The following NTRK2 variants were observed in gnomAD, a reference collection of about 807,000 sequenced individuals.
NTRK2 encodes neurotrophic receptor tyrosine kinase 2.
A neutral mutation model predicts 94.5 loss-of-function variants in NTRK2; 13 were observed. That is an observed-to-expected ratio of 0.14 (90% CI 0.09 to 0.22). The LOEUF (loss-of-function observed/expected upper bound fraction) is 0.22. Ranked by LOEUF, NTRK2 falls within the 10% of genes least tolerant of loss-of-function variation. The probability of loss-of-function intolerance (pLI) is 1.00; values close to 1 mark genes in which losing one functional copy is unlikely to be tolerated. For synonymous variants in NTRK2, 372 were observed against 407.4 expected, an observed-to-expected ratio of 0.91 and a Z score of 1.05; for missense variants, 639 against 1,071.2, an observed-to-expected ratio of 0.60 and a Z score of 5.63.
At chr9:84,983,835 A>G (rs575049023) in intron 17 of NTRK2, among the ~76,000 whole-genome samples, 3 of 152,230 alleles carry the variant, frequency 2.0e-5, no homozygotes, top group Non-Finnish European at 4.4e-5. Flanking sequence ...AGTCTTACTT[A>G]AGTAGAAACT....
chr9:84,833,147 G>A (rs2073669710), intron 12 of NTRK2, among the ~76,000 whole-genome samples: 1 of 152,004 alleles, frequency 6.6e-6, no homozygotes, highest in Non-Finnish European at 1.5e-5. Context: ...GAGACTGCAT[G>A]TTCAAAAAGC....
chr9:84,774,817 G>A (rs192598787), intron 12 of NTRK2, among the ~76,000 whole-genome samples: 19 of 152,186 alleles, frequency 1.2e-4, no homozygotes, highest in East Asian at 7.7e-4. Context: ...AGAAACTAGC[G>A]CATGGAATAA....
chr9:84,881,965 T>C (rs576779804), intron 14 of NTRK2, among the ~76,000 whole-genome samples: 1 of 152,186 alleles, frequency 6.6e-6, no homozygotes, highest in Non-Finnish European at 1.5e-5. Context: ...CTCATTGAAT[T>C]TACACAATAG....
At chr9:84,804,820 C>A (rs1419602979) in intron 12 of NTRK2, among the ~76,000 whole-genome samples, 3 of 152,054 alleles carry the variant, frequency 2.0e-5, no homozygotes, top group African/African-American at 7.2e-5. Flanking sequence ...AGATATCGAC[C>A]CTATAGATTT....
In NTRK2 at chr9:84,956,442, T is replaced by C. The variant is rs139079791; in HGVS notation, c.2172+925T>C. ...AGAGAAAAGGGAATTTCTGGAAATG[T>C]TGAAGTTGTGATATTTAGAGTGAAG... On this transcript the variant is annotated intron_variant, in intron 17 of 18. Coordinates refer to ENST00000277120, the MANE Select transcript of NTRK2 (RefSeq NM_006180.6). Among the ~76,000 whole-genome samples, 9 of 152,296 alleles carry C rather than the reference T, an allele frequency of 5.9e-5. No homozygotes were observed. In the East Asian group the frequency reaches 1.5e-3, roughly 26 times the overall value.
intron 14 of NTRK2, chr9:84,875,566 G>A (rs201948894): frequency 2.5e-5 from 27 of 1,062,614 alleles, no homozygotes; most frequent in Non-Finnish European, 2.5e-5. Flanking sequence ...TCAAAGAGCC[G>A]AGTATGCTGG....
In NTRK2 at chr9:85,023,349, C is replaced by A. The variant is rs199656871; in HGVS notation, c.*1912C>A. On this transcript the variant is annotated 3_prime_UTR_variant, in exon 19 of 19. Coordinates refer to ENST00000277120, the MANE Select transcript of NTRK2 (RefSeq NM_006180.6). Reference sequence around the variant, plus strand: ...TATTTCATATTTGTTTCTGAAGGTGCGATAGCTCTGTTTTAGGTTTTGCTT... The same window carrying A: ...TATTTCATATTTGTTTCTGAAGGTGAGATAGCTCTGTTTTAGGTTTTGCTT... The A allele has an allele frequency of 4.3e-6, 1 of 232,074 alleles. No homozygotes were observed. The highest frequency in any genetic ancestry group is 8.5e-6 in the Non-Finnish European group (1 of 117,428). The allele number at this position is 232,074 out of a possible 1,614,324, so 14.4% of individuals were successfully genotyped here.
At chr9:84,885,405 C>G (rs902338765) in intron 14 of NTRK2, among the ~76,000 whole-genome samples, 4 of 152,126 alleles carry the variant, frequency 2.6e-5, no homozygotes, top group Admixed American at 6.5e-5. Flanking sequence ...ACAATTTCAG[C>G]GGGTCTTTAT....
intron 14 of NTRK2, among the ~76,000 whole-genome samples, chr9:84,878,621 A>G (rs2076158885): frequency 6.9e-6 from 1 of 145,386 alleles, no homozygotes; most frequent in South Asian, 2.3e-4. Context: ...CGACAGAAAG[A>G]GACTATGTCT....
At chr9:84,832,846 C>T (rs1042378105) in intron 12 of NTRK2, among the ~76,000 whole-genome samples, 4 of 152,022 alleles carry the variant, frequency 2.6e-5, no homozygotes, top group East Asian at 1.9e-4. Context: ...GGGAGGAGGA[C>T]GATGCGGGAG....
chr9:84,898,534 A>C (rs1435552474), intron 14 of NTRK2, among the ~76,000 whole-genome samples: 1 of 147,314 alleles, frequency 6.8e-6, no homozygotes, highest in African/African-American at 2.5e-5. Flanking sequence ...CTTATTTCTT[A>C]TTATTTTTAT....
chr9:84,844,463 ATTC>A (rs2074356868), intron 12 of NTRK2, among the ~76,000 whole-genome samples: 1 of 152,162 alleles, frequency 6.6e-6, no homozygotes, highest in Non-Finnish European at 1.5e-5. Flanking sequence ...ATGACTCCCT[ATTC>A]TTCTCTTGTT....
intron 17 of NTRK2, among the ~76,000 whole-genome samples, chr9:84,982,751 T>A (rs1827797131): frequency 6.6e-6 from 1 of 152,236 alleles, no homozygotes; most frequent in Admixed American, 6.5e-5. Flanking sequence ...CTGTTTGACG[T>A]TCACCTGACC....
At position 84,710,725 on chromosome 9, in the gene NTRK2, G is replaced by A. The variant is rs1239779612; in HGVS notation, c.517G>A (p.Asp173Asn). ...GGCTAAATCCAGTCCAGACACTCAGGATTTGTACTGCCTGAATGAAAGCAG... is the reference window on the plus strand; with the variant it reads ...GGCTAAATCCAGTCCAGACACTCAGAATTTGTACTGCCTGAATGAAAGCAG... ...QEAKSSPDTQ[D>N]LYCLNESSKN... Residue 173 changes from aspartate to asparagine, a missense_variant, in exon 6 of 19, where the codon GAT becomes AAT. This residue lies in a region of NTRK2 where 206 missense variants were observed against 251.5 expected (regional missense o/e 0.82). Transcript: ENST00000277120. The A allele has an allele frequency of 6.2e-7, 1 of 1,614,130 alleles. No homozygotes were observed. The highest frequency in any genetic ancestry group is 8.5e-7 in the Non-Finnish European group (1 of 1,180,000).
intron 12 of NTRK2, among the ~76,000 whole-genome samples, chr9:84,783,715 G>A (rs180864546): frequency 4.6e-5 from 7 of 152,216 alleles, no homozygotes; most frequent in Admixed American, 4.6e-4. Flanking sequence ...CCCAAGATGT[G>A]AAAGTGTAAG....
chr9:84,810,669 T>C (rs1208613216), intron 12 of NTRK2: 10 of 1,607,018 alleles, frequency 6.2e-6, no homozygotes, highest in Admixed American at 1.7e-5. Context: ...TGCTGTTGGC[T>C]TATCCCGGGA....
chr9:84,748,585 G>A (rs2064300159), intron 11 of NTRK2, among the ~76,000 whole-genome samples: 1 of 152,186 alleles, frequency 6.6e-6, no homozygotes, highest in Non-Finnish European at 1.5e-5. Flanking sequence ...CCCAGTTAAG[G>A]ACTGTCCAAA....
intron 9 of NTRK2, among the ~76,000 whole-genome samples, chr9:84,738,932 C>G (rs967035106): frequency 6.6e-6 from 1 of 152,162 alleles, no homozygotes; most frequent in East Asian, 1.9e-4. Flanking sequence ...GTGCTTTTCA[C>G]AAAGTTTAGA....
chr9:84,861,172 T>A, intron 13 of NTRK2, 85 bp downstream of exon 13: 1 of 1,021,752 alleles, frequency 9.8e-7, no homozygotes, highest in African/African-American at 1.6e-5. Context: ...CTCTTTACAT[T>A]CCACGGTCTT....
Sources: allele counts gnomAD v4.1 joint callset (sites outside exome capture counted in the v4.1 genomes callset), GRCh38; gene constraint gnomAD v4.1.1; regional missense constraint gnomAD v4.1.1; transcripts MANE v1.5; gene names NCBI Gene and HGNC (gene_info 2026-07-23, HGNC 2026-07-21).